ADCY3: variants seen among roughly 807,000 people sequenced by gnomAD.
The protein encoded by ADCY3 is adenylate cyclase type 3.
ADCY3 carries 70 observed loss-of-function variants against 119.4 expected under a neutral mutation model. The observed-to-expected ratio is 0.59, with a 90% CI of 0.48 to 0.72. ADCY3 has a LOEUF of 0.72. Among genes scored for constraint, ADCY3 ranks in the 30% least tolerant of loss-of-function variants. The probability of loss-of-function intolerance (pLI) is 0.00; values close to 1 mark genes in which losing one functional copy is unlikely to be tolerated. For missense variants in ADCY3, 1,238 were observed against 1,541.6 expected (o/e 0.80, Z 3.30); for synonymous variants, 672 against 621.4 (o/e 1.08, Z -1.21).
intron 3 of ADCY3, among the ~76,000 whole-genome samples, chr2:24,867,274 C>G (rs565204391): frequency 3.3e-5 from 5 of 152,272 alleles, no homozygotes; most frequent in Non-Finnish European, 5.9e-5. Flanking sequence ...TTTTAAAGGG[C>G]TAGAAGTAAA....
chr2:24,820,780 T>C lies in ADCY3; in HGVS notation c.3196A>G (p.Asn1066Asp). 6.2e-7 allele frequency: 1 copy of C among 1,614,118 alleles called. No individual in the cohort carries two copies. The highest frequency in any genetic ancestry group is 8.5e-7 in the Non-Finnish European group (1 of 1,180,016). ...ATCCTGCTGGCTACATTGACTGTAT[T>C]GCCCCAGATGTCGTAGTGTGGTTTC... ...ARKPHYDIWG[N>D]TVNVASRMES... Residue 1066 changes from asparagine (N) to aspartate (D), a missense_variant, in exon 21 of 22, where the codon AAT (asparagine) becomes GAT (aspartate). Asn to Asp is a conservative substitution (Grantham distance 23). Transcript: ENST00000679454.
intron 14 of ADCY3, 123 bp from the exon 15 acceptor site, chr2:24,827,731 C>A: frequency 1.4e-6 from 2 of 1,417,574 alleles, no homozygotes; most frequent in South Asian, 1.2e-5. Context: ...TTCTCAGGTC[C>A]TAGCCAAACA....
chr2:24,869,059 A>T (rs920104680), intron 3 of ADCY3, among the ~76,000 whole-genome samples: 1 of 152,192 alleles, frequency 6.6e-6, no homozygotes, highest in African/African-American at 2.4e-5. Context: ...AGAAATGTAC[A>T]AAGAAAGCAA....
chr2:24,844,211 G>C (rs1288155650), intron 3 of ADCY3, among the ~76,000 whole-genome samples: 3 of 152,148 alleles, frequency 2.0e-5, no homozygotes, highest in Non-Finnish European at 4.4e-5. Context: ...GGCCAGGCCC[G>C]TGTCGCCATG....
At chr2:24,886,077 T>A (rs1366801337) in intron 2 of ADCY3, among the ~76,000 whole-genome samples, 1 of 152,246 alleles carries the variant, frequency 6.6e-6, no homozygotes, top group East Asian at 1.9e-4. Flanking sequence ...TATTTTTAAG[T>A]GTTTAAAAAT....
At chr2:24,826,930 T>C (rs927603233) in intron 15 of ADCY3, among the ~76,000 whole-genome samples, 2 of 152,252 alleles carry the variant, frequency 1.3e-5, no homozygotes, top group Non-Finnish European at 2.9e-5. Flanking sequence ...TTGTCAGAGT[T>C]ATCTGGACCG....
rs188999213 is a variant in ADCY3 at position 24,878,518 on chromosome 2, G to A, written c.676-5799C>T. 6.6e-6 allele frequency among the ~76,000 whole-genome samples: 1 copy of A among 152,328 alleles called. No homozygotes were observed. The highest frequency in any genetic ancestry group is 2.4e-5 in the African/African-American group (1 of 41,576). On this transcript the variant is annotated intron_variant, in intron 2 of 21. Coordinates refer to ENST00000679454, the MANE Select transcript of ADCY3 (RefSeq NM_004036.5). The surrounding 1 kb of genome is among the most constrained non-coding windows in gnomAD (Gnocchi z 4.0). ...GCAAGAGAAAGCTGCTCAGGGTGCA[G>A]TGTCCGTGTCGCCCACAGAGACCTA...
In ADCY3 at chr2:24,912,050, C is replaced by T. The variant is rs368446734; in HGVS notation, c.675+6263G>A. 5.9e-5 allele frequency among the ~76,000 whole-genome samples: 9 copies of T among 152,326 alleles called. No individual in the cohort carries two copies. In the South Asian group the frequency reaches 1.7e-3, roughly 28 times the overall value. ...ACTAAACTGTAACAGAGCAAGAGCT[C>T]AGTAAACACAGCCACCTCCTCACTG... On this transcript the variant is annotated intron_variant, in intron 2 of 21. Transcript: ENST00000679454.
intron 8 of ADCY3, 47 bp from the exon 9 acceptor site, chr2:24,837,092 T>C: frequency 6.2e-7 from 1 of 1,603,296 alleles, no homozygotes; most frequent in Non-Finnish European, 8.5e-7. Context: ...GGGATGAGAG[T>C]GGCGTGGACA....
intron 7 of ADCY3, 97 bp from the exon 8 acceptor site, chr2:24,838,719 C>G: frequency 6.3e-7 from 1 of 1,587,882 alleles, no homozygotes; most frequent in Non-Finnish European, 8.6e-7. Context: ...GGCTGCTGCT[C>G]GGCCCCGTGT....
Position 24,918,385 on chromosome 2 carries a change from G to A in ADCY3, c.603C>T (p.His201=), listed in dbSNP as rs146501188. ...CCACGGTGACCCCCAGGACCAACGT[G>A]TGCACCACACAGGAGACCACGGAGA... is the stretch of plus-strand genomic sequence containing the variant. ...VIISVVSCVV[H]TLVLGVTVAQ... Residue 201 remains histidine, a synonymous_variant, in exon 2 of 22, where the codon CAC becomes CAT. Coordinates refer to ENST00000679454, the MANE Select transcript of ADCY3 (RefSeq NM_004036.5). This position sits in a 1 kb window ranked among gnomAD's most constrained non-coding sequence, Gnocchi z 5.4. The A allele has an allele frequency of 6.2e-7, 1 of 1,613,250 alleles. No individual in the cohort carries two copies. Among genetic ancestry groups the A allele is most frequent in the Non-Finnish European group, 8.5e-7 (1 of 1,179,710 alleles).
At position 24,841,356 on chromosome 2, in the gene ADCY3, C is replaced by A. The variant is rs1406729182; in HGVS notation, c.1099G>T (p.Gly367Cys). 1 of 1,607,354 alleles carries A rather than the reference C, an allele frequency of 6.2e-7. No individual in the cohort carries two copies. Residue 367 changes from glycine to cysteine, a missense_variant, in exon 6 of 22, where the codon GGC (glycine) becomes TGC (cysteine). This residue lies in a region of ADCY3 where 283 missense variants were observed against 437.2 expected (regional missense o/e 0.65). Coordinates refer to ENST00000679454, the MANE Select transcript of ADCY3 (RefSeq NM_004036.5). The surrounding 1 kb of genome is among the most constrained non-coding windows in gnomAD (Gnocchi z 5.8). ...CCGCAGATGCAGTAGTAGCAGTCGC[C>A]CAGGATCTTAATCCGCAGCTGGTGG... is the stretch of plus-strand genomic sequence containing the variant. ...KYHQLRIKIL[G>C]DCYYCICGLP...
intron 3 of ADCY3, among the ~76,000 whole-genome samples, chr2:24,865,699 T>C (rs139483660): frequency 1.7e-3 from 254 of 152,246 alleles, no homozygotes; most frequent in Admixed American, 3.7e-3. Context: ...ACGTTTGCTA[T>C]AGAGGATCTT....
Position 24,894,334 on chromosome 2 carries a change from A to G in ADCY3, c.676-21615T>C, listed in dbSNP as rs117167489. Among the ~76,000 whole-genome samples the G allele has an allele frequency of 1.4e-3, 207 of 152,232 alleles. 5 individuals are homozygous for G. The East Asian group carries it at 0.035, about 26-fold the overall frequency. On this transcript the variant is annotated intron_variant, in intron 2 of 21. Transcript: ENST00000679454. ...TCTATTTCTACAAAAAGTTAGCCAG[A>G]CATGCTGTTATATGCCTGTAGTCCC...
rs947424080 is a variant in ADCY3 at position 24,920,181 on chromosome 2, G to A, written c.-696C>T. Among the ~76,000 whole-genome samples the A allele has an allele frequency of 6.9e-6, 1 of 145,972 alleles. No individual in the cohort carries two copies. Among genetic ancestry groups the A allele is most frequent in the Non-Finnish European group, 1.5e-5 (1 of 65,640 alleles). ...GCCGAGCCAGCCGAGTCCGGGCTCG[G>A]CGTGCTGCACAGCTATTCCCCGCGC... On this transcript the variant is annotated 5_prime_UTR_variant, in exon 1 of 22. Transcript: ENST00000679454. The surrounding 1 kb of genome is among the most constrained non-coding windows in gnomAD (Gnocchi z 4.5).
intron 2 of ADCY3, among the ~76,000 whole-genome samples, chr2:24,912,134 T>A (rs775021401): frequency 3.3e-5 from 5 of 152,088 alleles, no homozygotes; most frequent in African/African-American, 1.2e-4. Context: ...GTGTTGGTGA[T>A]AGCACATACC....
chr2:24,847,908 C>T (rs1203502254), intron 3 of ADCY3, among the ~76,000 whole-genome samples: 2 of 152,226 alleles, frequency 1.3e-5, no homozygotes, highest in Non-Finnish European at 2.9e-5. Flanking sequence ...CTGGGTTTCT[C>T]TGGTCAGTAA....
rs779771815 is a variant in ADCY3 at position 24,821,524 on chromosome 2, C to CATGA, written c.3119_3120insTCAT (p.Arg1041HisfsTer85). ...CCAGCTGGGGGTGCTCACCTATGCG[C>CATGA]AGCATGAAGTTATTGAAGGACTGGT... On this transcript the variant is annotated frameshift_variant, in exon 20 of 22. Coordinates refer to ENST00000679454, the MANE Select transcript of ADCY3 (RefSeq NM_004036.5). LOFTEE classifies it high-confidence loss of function. 1 of 1,614,092 alleles carries CATGA rather than the reference C, an allele frequency of 6.2e-7. No individual in the cohort carries two copies. The highest frequency in any genetic ancestry group is 8.5e-7 in the Non-Finnish European group (1 of 1,179,992).
chr2:24,907,375 G>A (rs777116909), intron 2 of ADCY3, among the ~76,000 whole-genome samples: 3 of 152,176 alleles, frequency 2.0e-5, no homozygotes, highest in Non-Finnish European at 2.9e-5. Context: ...AAGTCCAGTC[G>A]CTTATGTTGG....
Sources: allele counts gnomAD v4.1 joint callset (sites outside exome capture counted in the v4.1 genomes callset), GRCh38; gene constraint gnomAD v4.1.1; regional missense constraint gnomAD v4.1.1; non-coding constraint Gnocchi (gnomAD v3.1); transcripts MANE v1.5; gene names NCBI Gene and HGNC (gene_info 2026-07-23, HGNC 2026-07-21).